The following PTK2B variants were observed in gnomAD, a reference collection of about 807,000 sequenced individuals.
The protein encoded by PTK2B is protein tyrosine kinase 2 beta.
In PTK2B, 71 loss-of-function variants were observed where a neutral mutation model predicts 142.9. That is an observed-to-expected ratio of 0.50 (90% CI 0.41 to 0.61). The LOEUF (loss-of-function observed/expected upper bound fraction) is 0.61. PTK2B is among the 20% of genes least tolerant of loss of function. The pLI, the probability that PTK2B is intolerant of heterozygous loss-of-function variation, is 0.00. For missense variants in PTK2B, 1,105 were observed against 1,320.4 expected, an observed-to-expected ratio of 0.84 and a Z score of 2.53; for synonymous variants, 519 against 503.4, an observed-to-expected ratio of 1.03 and a Z score of -0.42.
chr8:27,333,121 A>G (rs562385871), intron 1 of PTK2B, among the ~76,000 whole-genome samples: 6 of 152,332 alleles, frequency 3.9e-5, no homozygotes, highest in Middle Eastern at 3.4e-3. Flanking sequence ...GATAGACAGG[A>G]TACACTGTGG....
chr8:27,326,623 TGTG>T (rs1803435630), intron 1 of PTK2B, among the ~76,000 whole-genome samples: 1 of 152,138 alleles, frequency 6.6e-6, no homozygotes, highest in Admixed American at 6.5e-5. Flanking sequence ...CGTGGTGTGA[TGTG>T]GTGGTGGGTG....
At chr8:27,373,889 G>A (rs1427965103) in intron 1 of PTK2B, among the ~76,000 whole-genome samples, 1 of 151,858 alleles carries the variant, frequency 6.6e-6, no homozygotes, top group African/African-American at 2.4e-5. Context: ...TTGAACAGGA[G>A]GTGTTTGGTG....
intron 1 of PTK2B, among the ~76,000 whole-genome samples, chr8:27,336,666 C>G (rs984994105): frequency 6.6e-6 from 1 of 152,246 alleles, no homozygotes; most frequent in African/African-American, 2.4e-5. Flanking sequence ...TCCCCCAACT[C>G]TCCCAGTTTA....
intron 1 of PTK2B, among the ~76,000 whole-genome samples, chr8:27,395,758 G>A (rs1243944647): frequency 6.6e-6 from 1 of 152,136 alleles, no homozygotes; most frequent in Non-Finnish European, 1.5e-5. Context: ...TTGTGCAAGC[G>A]ATAACTCACT....
chr8:27,414,538 G>C (rs1482346877), intron 2 of PTK2B, among the ~76,000 whole-genome samples: 2 of 141,188 alleles, frequency 1.4e-5, no homozygotes, highest in Non-Finnish European at 3.1e-5. Flanking sequence ...GAGCCACCGC[G>C]CCTGGCCGGG....
intron 2 of PTK2B, among the ~76,000 whole-genome samples, chr8:27,412,285 C>A (rs559945055): frequency 6.6e-6 from 1 of 152,288 alleles, no homozygotes; most frequent in South Asian, 2.1e-4. Flanking sequence ...TCTGATTACC[C>A]GGTTGGTCTT....
intron 1 of PTK2B, among the ~76,000 whole-genome samples, chr8:27,385,717 A>C (rs568239039): frequency 6.6e-6 from 1 of 152,064 alleles, no homozygotes; most frequent in African/African-American, 2.4e-5. Flanking sequence ...ACATGGTGAA[A>C]CCTCCTCTCT....
intron 3 of PTK2B, among the ~76,000 whole-genome samples, chr8:27,320,065 G>C (rs1186737306): frequency 1.3e-5 from 2 of 152,176 alleles, no homozygotes; most frequent in Non-Finnish European, 2.9e-5. Flanking sequence ...TTGGGGTGGA[G>C]CCACAGGAGT....
intron 1 of PTK2B, among the ~76,000 whole-genome samples, chr8:27,387,500 G>A (rs1017735973): frequency 2.0e-5 from 3 of 152,148 alleles, no homozygotes; most frequent in South Asian, 2.1e-4. Flanking sequence ...TCCATCCTGC[G>A]TTCCCATGAC....
At chr8:27,351,732 C>G (rs1805104329) in intron 1 of PTK2B, among the ~76,000 whole-genome samples, 1 of 152,176 alleles carries the variant, frequency 6.6e-6, no homozygotes, top group African/African-American at 2.4e-5. Flanking sequence ...AAAACATAGA[C>G]TTATCTATGG....
intron 1 of PTK2B, among the ~76,000 whole-genome samples, chr8:27,372,529 G>A (rs997454480): frequency 2.0e-5 from 3 of 152,148 alleles, no homozygotes; most frequent in Non-Finnish European, 4.4e-5. Context: ...CGTTAGGGAG[G>A]TCGATCCACT....
chr8:27,369,393 A>G (rs1806208222), intron 1 of PTK2B, among the ~76,000 whole-genome samples: 1 of 152,174 alleles, frequency 6.6e-6, no homozygotes, highest in South Asian at 2.1e-4. Flanking sequence ...CTTAAGGCTT[A>G]GTGTGGTGAC....
intron 1 of PTK2B, among the ~76,000 whole-genome samples, chr8:27,349,381 G>A (rs941264571): frequency 3.3e-5 from 5 of 152,172 alleles, no homozygotes; most frequent in African/African-American, 7.2e-5. Flanking sequence ...ATAGAACCCC[G>A]TAATAAACCA....
chr8:27,350,967 C>T (rs1424666275), intron 1 of PTK2B, among the ~76,000 whole-genome samples: 1 of 65,202 alleles, frequency 1.5e-5, no homozygotes, highest in Admixed American at 2.0e-4. Context: ...CAGAGAAAGT[C>T]TCCGTCTCAA....
At chr8:27,352,652 G>A (rs1805165319) in intron 1 of PTK2B, among the ~76,000 whole-genome samples, 1 of 152,172 alleles carries the variant, frequency 6.6e-6, no homozygotes, top group Non-Finnish European at 1.5e-5. Context: ...GGAGGTAATT[G>A]AATCATGTGG....
chr8:27,372,654 A>C (rs1006522726), intron 1 of PTK2B, among the ~76,000 whole-genome samples: 2 of 152,198 alleles, frequency 1.3e-5, no homozygotes, highest in African/African-American at 2.4e-5. Flanking sequence ...AAGTTGATAC[A>C]GAAAATTAAC....
intron 13 of PTK2B, among the ~76,000 whole-genome samples, chr8:27,435,334 C>A (rs554149509): frequency 6.6e-6 from 1 of 152,326 alleles, no homozygotes; most frequent in Non-Finnish European, 1.5e-5. Flanking sequence ...CCCAAAGGCC[C>A]CACCTCCTAA....
intron 13 of PTK2B, among the ~76,000 whole-genome samples, 156 bp from the exon 14 acceptor site, chr8:27,435,587 A>G (rs1273704820): frequency 1.3e-5 from 2 of 152,134 alleles, no homozygotes; most frequent in African/African-American, 4.8e-5. Flanking sequence ...CTCTGTGGCC[A>G]CTCTAAAACC....
At chr8:27,427,732 C>T (rs1311499320) in intron 5 of PTK2B, among the ~76,000 whole-genome samples, 2 of 152,006 alleles carry the variant, frequency 1.3e-5, no homozygotes, top group Admixed American at 6.6e-5. Context: ...CGTGGTCAGT[C>T]GCATGGAATT....
Sources: allele counts gnomAD v4.1 joint callset (sites outside exome capture counted in the v4.1 genomes callset), GRCh38; gene constraint gnomAD v4.1.1; transcripts MANE v1.5; gene names NCBI Gene and HGNC (gene_info 2026-07-23, HGNC 2026-07-21).